Variants in ZNF114 observed in about 807,000 individuals in gnomAD.
ZNF114 encodes the protein zinc finger protein 114 (Y18).
ZNF114 carries 8 observed loss-of-function variants against 6.8 expected under a neutral mutation model. The ratio of observed to expected loss-of-function variants is 1.18; its 90% CI spans 0.69 to 2.13. ZNF114 has a LOEUF of 2.13. Ranked by LOEUF, ZNF114 falls within the 30% of genes most tolerant of loss-of-function variation. ZNF114 has a pLI of 0.00. For synonymous variants in ZNF114, 169 were observed against 185.5 expected (o/e 0.91, Z 0.72); for missense variants, 472 against 519.5 (o/e 0.91, Z 0.89).
At chr19:48,272,614 C>T (rs1967693889) in intron 3 of ZNF114, among the ~76,000 whole-genome samples, 1 of 121,584 alleles carries the variant, frequency 8.2e-6, no homozygotes. Flanking sequence ...GTGAAGGTTG[C>T]AGTGAGCCGA....
rs1967737845 is a variant in ZNF114 at position 48,273,616 on chromosome 19, G to A, written c.-70+1788G>A. Among the ~76,000 whole-genome samples, 2 of 151,784 alleles carry A rather than the reference G, an allele frequency of 1.3e-5. 1 individual carries two copies. Among genetic ancestry groups the A allele is most frequent in the Non-Finnish European group, 2.9e-5 (2 of 67,946 alleles). On this transcript the variant is annotated intron_variant, in intron 3 of 5. Transcript: ENST00000595607. ...AATGGGGTTATCATCAGGTGTGGCT[G>A]TTTCCTTGGGAACTATAAGGTCAAG...
intron 4 of ZNF114, among the ~76,000 whole-genome samples, chr19:48,281,178 C>CAGA (rs1967978949): frequency 6.6e-6 from 1 of 152,172 alleles, no homozygotes; most frequent in Non-Finnish European, 1.5e-5. Context: ...GACCGGACGT[C>CAGA]AGTCTCTACC....
intron 5 of ZNF114, among the ~76,000 whole-genome samples, chr19:48,285,518 A>G (rs548138210): frequency 5.4e-5 from 8 of 147,370 alleles, no homozygotes; most frequent in African/African-American, 1.5e-4. Context: ...AGAAAGACAG[A>G]GAGAACGAGA....
intron 3 of ZNF114, among the ~76,000 whole-genome samples, chr19:48,279,059 C>G (rs1461624940): frequency 1.3e-5 from 2 of 151,974 alleles, no homozygotes; most frequent in Non-Finnish European, 2.9e-5. Flanking sequence ...GTATTTGGAA[C>G]TAGGTAGAGG....
chr19:48,272,009 T>A (rs1967670913), intron 3 of ZNF114, among the ~76,000 whole-genome samples, 181 bp downstream of exon 3: 1 of 152,204 alleles, frequency 6.6e-6, no homozygotes, highest in African/African-American at 2.4e-5. Flanking sequence ...AGAAGGGCGC[T>A]TCCCCCATAC....
rs191599062 is a variant in ZNF114 at position 48,286,017 on chromosome 19, C to T, written c.393C>T (p.His131=). Residue 131 remains histidine (H), a synonymous_variant, in exon 6 of 6, where the codon CAC becomes CAT. Coordinates refer to ENST00000595607, the MANE Select transcript of ZNF114 (RefSeq NM_153608.4). ...SICEDHEMRN[H]SKPTCRLVPS... is the part of the protein sequence containing the mutation. ...GTGAAGATCATGAAATGAGGAACCA[C>T]TCTAAACCTACCTGCAGGCTTGTGC... The T allele has an allele frequency of 1.9e-6, 3 of 1,613,994 alleles. No homozygotes were observed. The highest frequency in any genetic ancestry group is 2.7e-5 in the African/African-American group (2 of 75,058).
chr19:48,279,328 T>C (rs985293968), intron 3 of ZNF114, among the ~76,000 whole-genome samples: 2 of 144,566 alleles, frequency 1.4e-5, no homozygotes, highest in Non-Finnish European at 3.1e-5. Flanking sequence ...AGCCCAGAAG[T>C]TTGAGGCTGT....
At position 48,286,137 on chromosome 19, in the gene ZNF114, T is replaced by A; in HGVS notation, c.513T>A (p.His171Gln). The change falls in exon 6 of 6, where the codon CAT becomes CAA. Residue 171 changes from histidine (H) to glutamine (Q), a missense_variant. Physicochemically the swap from His to Gln is conservative, Grantham distance 24. Transcript: ENST00000595607. ...NPVLNDSQKT[H>Q]ENNEDDGVLG... ...TCTTAAACGATAGTCAAAAAACACA[T>A]GAAAACAACGAAGACGATGGAGTCT... 1 of 1,614,072 alleles carries A rather than the reference T, an allele frequency of 6.2e-7. No individual in the cohort carries two copies. Among genetic ancestry groups the A allele is most frequent in the Non-Finnish European group, 8.5e-7 (1 of 1,180,004 alleles).
intron 5 of ZNF114, among the ~76,000 whole-genome samples, chr19:48,285,549 A>AAGGAAGGAAGGAAGG (rs1968093686): frequency 6.7e-6 from 1 of 150,118 alleles, no homozygotes; most frequent in Non-Finnish European, 1.5e-5. Flanking sequence ...GGAAAGAAGG[A>AAGGAAGGAAGGAAGG]AGGAAGGAAG....
Position 48,286,188 on chromosome 19 carries a change from G to T in ZNF114, c.564G>T (p.Pro188=), listed in dbSNP as rs151202823. ...TGGGGTGGAACATTCAGTGGGTTCC[G>T]TGTGGGAGAAAAACAGAGCTGAAAT... ...GVLGWNIQWV[P]CGRKTELKSS... The change falls in exon 6 of 6, where the codon CCG becomes CCT. Residue 188 remains proline, a synonymous_variant. Transcript: ENST00000595607. 3 of 1,614,184 alleles carry T rather than the reference G, an allele frequency of 1.9e-6. No homozygotes were observed. The highest frequency in any genetic ancestry group is 4.5e-5 in the East Asian group (2 of 44,894).
intron 3 of ZNF114, among the ~76,000 whole-genome samples, chr19:48,272,082 G>C (rs1967673620): frequency 6.6e-6 from 1 of 152,204 alleles, no homozygotes; most frequent in South Asian, 2.1e-4. Context: ...CCCGCATGCA[G>C]CGGTTGCAGG....
intron 3 of ZNF114, among the ~76,000 whole-genome samples, chr19:48,277,481 TTG>T (rs975586686): frequency 1.1e-4 from 17 of 152,202 alleles, no homozygotes; most frequent in Non-Finnish European, 1.9e-4. Flanking sequence ...TAACCAAGGC[TTG>T]TGTTTTTTTC....
chr19:48,286,772 C>T lies in ZNF114; in HGVS notation c.1148C>T (p.Thr383Ile). ...AAATATACACATATAAGGAGCCACA[C>T]TGGAGAGAAACCCTATAAATGTAAG... ...SSKYTHIRSH[T>I]GEKPYKCKTC... The change falls in exon 6 of 6, where the codon ACT becomes ATT. Residue 383 changes from threonine to isoleucine, a missense_variant. Transcript: ENST00000595607. 6.2e-7 allele frequency: 1 copy of T among 1,612,886 alleles called. No individual in the cohort carries two copies. The highest frequency in any genetic ancestry group is 8.5e-7 in the Non-Finnish European group (1 of 1,179,726).
At chr19:48,275,843 G>A (rs923335424) in intron 3 of ZNF114, among the ~76,000 whole-genome samples, 5 of 151,374 alleles carry the variant, frequency 3.3e-5, no homozygotes, top group Non-Finnish European at 7.4e-5. Flanking sequence ...TTAGCAGGGC[G>A]CAGTGGCGGG....
chr19:48,277,806 T>TGTGTGTGTGTGTGTGTGTGTGTGC, intron 3 of ZNF114, among the ~76,000 whole-genome samples: 1 of 148,460 alleles, frequency 6.7e-6, no homozygotes, highest in Non-Finnish European at 1.5e-5. Context: ...TGTGTGTGTG[T>TGTGTGTGTGTGTGTGTGTGTGTGC]GTGTGTGTGT....
chr19:48,286,153 G>C lies in ZNF114; in HGVS notation c.529G>C (p.Asp177His). The C allele has an allele frequency of 6.2e-7, 1 of 1,614,188 alleles. No homozygotes were observed. Residue 177 changes from aspartate to histidine, a missense_variant, in exon 6 of 6, where the codon GAT becomes CAT. By Grantham distance (81) the Asp-to-His change is moderately conservative. Coordinates refer to ENST00000595607, the MANE Select transcript of ZNF114 (RefSeq NM_153608.4). Reference protein sequence around the residue: ...SQKTHENNEDDGVLGWNIQWV... With the variant: ...SQKTHENNEDHGVLGWNIQWV... The stretch of plus-strand genomic sequence containing the variant: ...AAAAACACATGAAAACAACGAAGAC[G>C]ATGGAGTCTTGGGGTGGAACATTCA...
In ZNF114 at chr19:48,282,506, G is replaced by GC. The variant is rs974516671; in HGVS notation, c.136+14dup. The stretch of plus-strand genomic sequence containing the variant: ...GAACTTGGCATTCATAGGTAAGGAG[G>GC]CCCCCTTCCTGCACTTAGTCCGTGA... On this transcript the variant is annotated intron_variant, in intron 5 of 5. Transcript: ENST00000595607. 1 of 1,606,178 alleles carries GC rather than the reference G, an allele frequency of 6.2e-7. No homozygotes were observed. The highest frequency in any genetic ancestry group is 1.3e-5 in the African/African-American group (1 of 74,616).
At chr19:48,270,554 A>AAGAAAG (rs1239243337) in intron 1 of ZNF114, among the ~76,000 whole-genome samples, 8 of 147,952 alleles carry the variant, frequency 5.4e-5, no homozygotes, top group African/African-American at 1.7e-4. Flanking sequence ...GGAGGGAGGG[A>AAGAAAG]AGAAAGAGAA....
In ZNF114 at chr19:48,287,057, T is replaced by C; in HGVS notation, c.*179T>C. Reference sequence around the variant, plus strand: ...AAAGTCTACAGAAAGCCTTTCATCTTCATTCATCTTGAGTAGACATTTGTT... The same window carrying C: ...AAAGTCTACAGAAAGCCTTTCATCTCCATTCATCTTGAGTAGACATTTGTT... On this transcript the variant is annotated 3_prime_UTR_variant, in exon 6 of 6. Coordinates refer to ENST00000595607, the MANE Select transcript of ZNF114 (RefSeq NM_153608.4). 1.7e-6 allele frequency: 1 copy of C among 574,046 alleles called. No individual in the cohort carries two copies. The highest frequency in any genetic ancestry group is 2.8e-6 in the Non-Finnish European group (1 of 356,802). 35.6% of individuals were successfully genotyped at this position (574,046 alleles called of 1,614,324 possible).
Sources: gnomAD v4.1 joint callset for allele counts (sites outside exome capture counted in the v4.1 genomes callset) on GRCh38, gnomAD v4.1.1 for gene constraint, MANE v1.5 for transcripts, NCBI Gene and HGNC (gene_info 2026-07-23, HGNC 2026-07-21) for gene names.